BTD: variants seen among roughly 807,000 people sequenced by gnomAD.
BTD encodes the protein biocytinase.
Under a neutral mutation model 17.7 loss-of-function variants are expected in BTD, and 13 were observed. That is an observed-to-expected ratio of 0.74 (90% CI 0.48 to 1.17). The LOEUF (loss-of-function observed/expected upper bound fraction) is 1.17. Among genes scored for constraint, BTD ranks in the 50% most tolerant of loss-of-function variants. The pLI is 0.00. For synonymous variants in BTD, 240 were observed against 245.2 expected, an observed-to-expected ratio of 0.98 and a Z score of 0.20; for missense variants, 674 against 650.4, an observed-to-expected ratio of 1.04 and a Z score of -0.39.
chr3:15,601,960 C>T (rs2064267765), intron 1 of BTD, 66 bp downstream of exon 1: 8 of 1,592,572 alleles, frequency 5.0e-6, no homozygotes, highest in Non-Finnish European at 6.9e-6. Context: ...GACCCCGCCC[C>T]GGGCGCCCAG....
At chr3:15,663,782 C>T (rs2065949769) in intron 3 of BTD, among the ~76,000 whole-genome samples, 1 of 151,798 alleles carries the variant, frequency 6.6e-6, no homozygotes, top group South Asian at 2.1e-4. Context: ...TGTTGTTTCT[C>T]TACTGAAATA....
exon 4 of BTD, among the ~76,000 whole-genome samples, chr3:15,712,658 T>A (rs778493734): frequency 1.6e-4 from 25 of 152,210 alleles, no homozygotes; most frequent in Non-Finnish European, 3.4e-4. Context: ...ATGCAACATG[T>A]TCAAGAATAT....
At chr3:15,618,123 C>G (rs1403076662) in intron 1 of BTD, among the ~76,000 whole-genome samples, 1 of 152,170 alleles carries the variant, frequency 6.6e-6, no homozygotes, top group Non-Finnish European at 1.5e-5. Context: ...GCCCAGCTAA[C>G]TTAATTTTAT....
At chr3:15,713,639 C>A, downstream of BTD, 1 of 1,598,014 alleles carries the variant, frequency 6.3e-7, no homozygotes, top group Non-Finnish European at 8.5e-7. Context: ...TCGATTACAG[C>A]TCCTGCAATA....
intron 1 of BTD, among the ~76,000 whole-genome samples, chr3:15,612,846 C>G (rs1250755257): frequency 6.6e-6 from 1 of 152,168 alleles, no homozygotes; most frequent in Non-Finnish European, 1.5e-5. Context: ...GTCAGCATCT[C>G]ACAAGGCTAC....
intron 3 of BTD, chr3:15,689,927 A>T: frequency 8.1e-7 from 1 of 1,227,758 alleles, no homozygotes; most frequent in Non-Finnish European, 1.1e-6. Flanking sequence ...TCAAAATTTT[A>T]AAGACAATTA....
At chr3:15,655,307 GATACTT>G (rs1193253807), downstream of BTD, among the ~76,000 whole-genome samples, 1 of 152,138 alleles carries the variant, frequency 6.6e-6, no homozygotes, top group Non-Finnish European at 1.5e-5. Flanking sequence ...GGAATATAAA[GATACTT>G]ATAATAAAAG....
At chr3:15,677,557 G>C in intron 3 of BTD, 1 of 1,608,718 alleles carries the variant, frequency 6.2e-7, no homozygotes, top group Non-Finnish European at 8.5e-7. Context: ...CTGCTAACCA[G>C]CATCTCTGGG....
At chr3:15,633,690 G>C (rs2065272416) in intron 1 of BTD, among the ~76,000 whole-genome samples, 1 of 152,198 alleles carries the variant, frequency 6.6e-6, no homozygotes, top group Non-Finnish European at 1.5e-5. Flanking sequence ...CCTGGCCTCA[G>C]TTTCCATACC....
intron 3 of BTD, chr3:15,697,443 A>C (rs1276167257): frequency 6.6e-6 from 1 of 152,198 alleles, no homozygotes; most frequent in Non-Finnish European, 1.5e-5. Context: ...CTATGTAACC[A>C]AAAACCACCT....
chr3:15,660,117 AGGTACTAT>A (rs1250126627), intron 3 of BTD, among the ~76,000 whole-genome samples: 3 of 152,230 alleles, frequency 2.0e-5, no homozygotes, highest in Admixed American at 2.0e-4. Flanking sequence ...CCCATGAGGG[AGGTACTAT>A]GGTCCTCATT....
intron 3 of BTD, among the ~76,000 whole-genome samples, chr3:15,643,973 T>A (rs542163921): frequency 0.11 from 5,914 of 55,604 alleles, 349 homozygotes; most frequent in African/African-American, 0.28. Context: ...TTATTTAATT[T>A]ATTTATTTAT....
In BTD at chr3:15,687,308, T is replaced by C. The variant is rs116966624; in HGVS notation, c.400-22752T>C. On this transcript the variant is annotated intron_variant, in intron 3 of 3. Transcript: ENST00000672141. ...CTATTTTCAGTAGGGTACTCTGTTA[T>C]TTATGGCTGAAATAATTTCAAATGA... is the stretch of plus-strand genomic sequence containing the variant. Among the ~76,000 whole-genome samples, 421 of 152,190 alleles carry C rather than the reference T, an allele frequency of 2.8e-3. 13 individuals are homozygous for C. The East Asian group carries it at 0.058, about 21-fold the overall frequency.
chr3:15,606,029 C>T (rs1019293922), intron 1 of BTD, among the ~76,000 whole-genome samples: 4 of 125,050 alleles, frequency 3.2e-5, no homozygotes, highest in African/African-American at 3.2e-5. Flanking sequence ...GGTGACAGAG[C>T]GAGACCCTGT....
intron 3 of BTD, chr3:15,679,698 A>G (rs1211532275): frequency 1.4e-6 from 1 of 693,354 alleles, no homozygotes; most frequent in African/African-American, 1.8e-5. Flanking sequence ...TCTCTGGAAT[A>G]TAACCATTGG....
In BTD at chr3:15,645,263, C is replaced by A; in HGVS notation, c.1347C>A (p.Asp449Glu). 6.2e-7 allele frequency: 1 copy of A among 1,614,192 alleles called. No individual in the cohort carries two copies. The highest frequency in any genetic ancestry group is 8.5e-7 in the Non-Finnish European group (1 of 1,180,024). Residue 449 changes from aspartate to glutamate, a missense_variant, in exon 4 of 4, where the codon GAC becomes GAA. Transcript: ENST00000643237. ...TCAGGTGTGGGGGTCTTGGCTTCGA[C>A]ACCTGTGGACAGGAAATCACAGAGG... ...ALVRCGGLGF[D>E]TCGQEITEAT...
chr3:15,710,733 C>T lies in BTD; in HGVS notation c.*659C>T, dbSNP rs568649250. ...TATGAACCAACTGCCTAATTTTTCCCTGGTGGTACTATTTAAAACTTAGTC... is the reference window on the plus strand; with the variant it reads ...TATGAACCAACTGCCTAATTTTTCCTTGGTGGTACTATTTAAAACTTAGTC... On this transcript the variant is annotated 3_prime_UTR_variant, in exon 4 of 4. Transcript: ENST00000672141. Among the ~76,000 whole-genome samples the T allele has an allele frequency of 2.6e-5, 4 of 152,168 alleles. No individual in the cohort carries two copies. In the South Asian group the frequency reaches 8.3e-4, roughly 32 times the overall value.
intron 2 of BTD, among the ~76,000 whole-genome samples, chr3:15,639,627 T>C (rs1162888054): frequency 1.3e-5 from 2 of 152,370 alleles, no homozygotes; most frequent in East Asian, 3.8e-4. Context: ...TGAGTGAGCC[T>C]ATTAAACAGT....
At chr3:15,695,311 C>G in intron 3 of BTD, 1 of 883,552 alleles carries the variant, frequency 1.1e-6, no homozygotes, top group Non-Finnish European at 1.8e-6. Flanking sequence ...TTACCCTAAA[C>G]CCGTGCTTCC....
Sources: gnomAD v4.1 joint callset for allele counts (sites outside exome capture counted in the v4.1 genomes callset) on GRCh38, gnomAD v4.1.1 for gene constraint, MANE v1.5 for transcripts, NCBI Gene and HGNC (gene_info 2026-07-23, HGNC 2026-07-21) for gene names.